EVI5L: variants seen among roughly 807,000 people sequenced by gnomAD.
EVI5L encodes ecotropic viral integration site 5 like.
A neutral mutation model predicts 106.1 loss-of-function variants in EVI5L; 30 were observed. That is an observed-to-expected ratio of 0.28 (90% CI 0.21 to 0.38). The LOEUF is 0.38. Among genes scored for constraint, EVI5L ranks in the 10% least tolerant of loss-of-function variants. The probability of loss-of-function intolerance (pLI) is 1.00; values close to 1 mark genes in which losing one functional copy is unlikely to be tolerated. For synonymous variants in EVI5L, 489 were observed against 483.3 expected, an observed-to-expected ratio of 1.01 and a Z score of -0.15; for missense variants, 809 against 1,098.0, an observed-to-expected ratio of 0.74 and a Z score of 3.72.
Position 7,833,859 on chromosome 19 carries a change from G to A in EVI5L, c.-48+3478G>A, listed in dbSNP as rs1036276861. On this transcript the variant is annotated intron_variant, in intron 1 of 19. Transcript: ENST00000538904. ...TGCAGCACACACATGCTAGCAGCCC[G>A]GGCAATAGAAGGAAGGAGGTGAGTT... 2.1e-4 allele frequency among the ~76,000 whole-genome samples: 32 copies of A among 152,304 alleles called. No homozygotes were observed. In the East Asian group the frequency reaches 3.9e-3, roughly 18 times the overall value.
chr19:7,847,671 C>T (rs893932597), intron 2 of EVI5L, 61 bp from the exon 3 acceptor site: 79 of 1,564,834 alleles, frequency 5.0e-5, no homozygotes, highest in South Asian at 8.1e-5. Flanking sequence ...GGGCTGGGCT[C>T]GCCAAGGATC....
Position 7,863,717 on chromosome 19 carries a change from C to A in EVI5L, c.*15C>A, listed in dbSNP as rs984226528. 10 of 1,444,756 alleles carry A rather than the reference C, an allele frequency of 6.9e-6. No homozygotes were observed. The highest frequency in any genetic ancestry group is 2.7e-5 in the Admixed American group (1 of 37,396). The allele number at this position is 1,444,756 out of a possible 1,614,324, so 89.5% of individuals were successfully genotyped here. On this transcript the variant is annotated 3_prime_UTR_variant, in exon 20 of 20. Transcript: ENST00000538904. The surrounding 1 kb of genome is among the most constrained non-coding windows in gnomAD (Gnocchi z 7.7). ...TGGACAACTGAGGCCATGCCCAGCG[C>A]GCCCGGAGTCAGGAGGCCGCAGCCG...
At chr19:7,844,369 C>T (rs553205) in intron 1 of EVI5L, among the ~76,000 whole-genome samples, 72,766 of 150,420 alleles carry the variant, frequency 0.48, 17,952 homozygotes, top group South Asian at 0.69. Context: ...GAAAAGAAAC[C>T]GAGGCTCGGG....
At position 7,851,776 on chromosome 19, in the gene EVI5L, C is replaced by G; in HGVS notation, c.987+6C>G. The G allele has an allele frequency of 6.7e-7, 1 of 1,494,094 alleles. No individual in the cohort carries two copies. Among genetic ancestry groups the G allele is most frequent in the Non-Finnish European group, 8.9e-7 (1 of 1,123,992 alleles). 92.6% of individuals were successfully genotyped at this position (1,494,094 alleles called of 1,614,324 possible). Reference sequence around the variant, plus strand: ...ACATGGAGGGGATGTCCCAGGTGGGCCGGGAGGGCCAGGGCCGGTGGGGCT... The same window carrying G: ...ACATGGAGGGGATGTCCCAGGTGGGGCGGGAGGGCCAGGGCCGGTGGGGCT... On this transcript the variant is annotated splice_donor_region_variant and intron_variant, in intron 8 of 19. Coordinates refer to ENST00000538904, the MANE Select transcript of EVI5L (RefSeq NM_001159944.3).
Position 7,850,060 on chromosome 19 carries a change from C to T in EVI5L, c.691C>T (p.Leu231Phe). ...RLMQEYRLRE[L>F]FKPSMAELGL... is the part of the protein sequence containing the mutation. ...GATGCAGGAGTACCGGCTGCGGGAG[C>T]TCTTCAAACCCAGCATGGCCGAGCT... Residue 231 changes from leucine (L) to phenylalanine (F), a missense_variant, in exon 6 of 20, where the codon CTC becomes TTC. Leu to Phe is a conservative substitution (Grantham distance 22). Transcript: ENST00000538904. The surrounding 1 kb of genome is among the most constrained non-coding windows in gnomAD (Gnocchi z 5.4). The T allele has an allele frequency of 6.2e-7, 1 of 1,605,006 alleles. No homozygotes were observed. Among genetic ancestry groups the T allele is most frequent in the Non-Finnish European group, 8.5e-7 (1 of 1,176,320 alleles).
In EVI5L at chr19:7,856,029, G is replaced by T; in HGVS notation, c.1161G>T (p.Glu387Asp). 3 of 1,328,952 alleles carry T rather than the reference G, an allele frequency of 2.3e-6. No individual in the cohort carries two copies. Among genetic ancestry groups the T allele is most frequent in the Non-Finnish European group, 2.9e-6 (3 of 1,029,784 alleles). The allele number at this position is 1,328,952 out of a possible 1,614,324, so 82.3% of individuals were successfully genotyped here. A position where few individuals can be genotyped will look rare whatever the true frequency, so the allele number is the denominator to read the frequency against. ...CACCCCCATAGAGACTTCGGACGGA[G>T]AACCGGCTCCTGAAACAGCGGATTG... ...EQIEIKRLRTENRLLKQRIET... is the reference protein window; with the variant it reads ...EQIEIKRLRTDNRLLKQRIET... The change falls in exon 11 of 20, where the codon GAG becomes GAT. Residue 387 changes from glutamate (E) to aspartate (D), a missense_variant. Coordinates refer to ENST00000538904, the MANE Select transcript of EVI5L (RefSeq NM_001159944.3). This position sits in a 1 kb window ranked among gnomAD's most constrained non-coding sequence, Gnocchi z 6.6.
At chr19:7,834,263 G>T (rs1216484510) in intron 1 of EVI5L, among the ~76,000 whole-genome samples, 1 of 152,180 alleles carries the variant, frequency 6.6e-6, no homozygotes, top group Non-Finnish European at 1.5e-5. Flanking sequence ...GGCAGAGCTT[G>T]CAGTGAGCCA....
rs1450922839 is a variant in EVI5L, at chr19:7,863,390, G to A, written c.2140-34G>A. 1 of 1,529,126 alleles carries A rather than the reference G, an allele frequency of 6.5e-7. No individual in the cohort carries two copies. Among genetic ancestry groups the A allele is most frequent in the Non-Finnish European group, 8.8e-7 (1 of 1,138,094 alleles). The allele number at this position is 1,529,126 out of a possible 1,614,324, so 94.7% of individuals were successfully genotyped here. A position where few individuals can be genotyped will look rare whatever the true frequency, so the allele number is the denominator to read the frequency against. On this transcript the variant is annotated intron_variant, in intron 19 of 19. Coordinates refer to ENST00000538904, the MANE Select transcript of EVI5L (RefSeq NM_001159944.3). This position sits in a 1 kb window ranked among gnomAD's most constrained non-coding sequence, Gnocchi z 7.7. ...GGCTGGGAGGGCGGGGCAGAAGGCC[G>A]GTCCACGCCTGCAGCGCCGGTCCCC...
Position 7,856,004 on chromosome 19 carries a change from C to G in EVI5L, c.1147-11C>G. On this transcript the variant is annotated splice_polypyrimidine_tract_variant and intron_variant, in intron 10 of 19. Transcript: ENST00000538904. The surrounding 1 kb of genome is among the most constrained non-coding windows in gnomAD (Gnocchi z 6.6). ...GGCGGGCTATGACGTGATCTCCCCC[C>G]ACCCCCATAGAGACTTCGGACGGAG... The G allele has an allele frequency of 7.5e-7, 1 of 1,327,430 alleles. No individual in the cohort carries two copies. The highest frequency in any genetic ancestry group is 9.7e-7 in the Non-Finnish European group (1 of 1,029,036). 82.2% of individuals were successfully genotyped at this position (1,327,430 alleles called of 1,614,324 possible).
At chr19:7,842,184 GGT>G (rs869156217) in intron 1 of EVI5L, among the ~76,000 whole-genome samples, 24 of 118,418 alleles carry the variant, frequency 2.0e-4, no homozygotes, top group Admixed American at 4.7e-4. Flanking sequence ...AATGTGCATG[GGT>G]GTGTGTGTTG....
chr19:7,851,883 G>A, intron 8 of EVI5L, 113 bp downstream of exon 8: 1 of 973,230 alleles, frequency 1.0e-6, no homozygotes, highest in Non-Finnish European at 1.4e-6. Context: ...AAGGTGGTGT[G>A]CCTGACATCC....
Position 7,845,336 on chromosome 19 carries a change from C to A in EVI5L, c.-47-1160C>A, listed in dbSNP as rs1225258028. ...CATGAAGGAACACCATCCCCAGCCG[C>A]TGCCTCCACTCCCATAGCCGTCCCT... On this transcript the variant is annotated intron_variant, in intron 1 of 19. Transcript: ENST00000538904. This position sits in a 1 kb window ranked among gnomAD's most constrained non-coding sequence, Gnocchi z 4.0. Among the ~76,000 whole-genome samples the A allele has an allele frequency of 3.9e-5, 6 of 152,142 alleles. No individual in the cohort carries two copies. The South Asian group carries it at 1.2e-3, about 31-fold the overall frequency.
In EVI5L at chr19:7,859,917, T is replaced by C. The variant is rs529115800; in HGVS notation, c.1375-644T>C. On this transcript the variant is annotated intron_variant, in intron 13 of 19. Coordinates refer to ENST00000538904, the MANE Select transcript of EVI5L (RefSeq NM_001159944.3). ...GGAAGAGGATGGTGGCTGGGAGGGC[T>C]GAGGCAGTCCCCCAGAGAACTGTCC... Among the ~76,000 whole-genome samples, 47 of 152,292 alleles carry C rather than the reference T, an allele frequency of 3.1e-4. 1 individual carries two copies. The South Asian group carries it at 9.5e-3, about 31-fold the overall frequency.
At chr19:7,843,229 G>T (rs917529146) in intron 1 of EVI5L, among the ~76,000 whole-genome samples, 7 of 147,176 alleles carry the variant, frequency 4.8e-5, no homozygotes, top group African/African-American at 1.8e-4. Flanking sequence ...GCATGGGTGT[G>T]TGTCGAGTGT....
At chr19:7,847,602 A>AC (rs1227433824) in intron 2 of EVI5L, 130 bp from the exon 3 acceptor site, 11 of 928,534 alleles carry the variant, frequency 1.2e-5, no homozygotes, top group Admixed American at 2.7e-5. Flanking sequence ...GAAGAAAAAA[A>AC]AAAGAACAAG....
chr19:7,833,471 A>G (rs1978303716), intron 1 of EVI5L, among the ~76,000 whole-genome samples: 2 of 152,228 alleles, frequency 1.3e-5, no homozygotes, highest in Non-Finnish European at 2.9e-5. Context: ...TGCGGGGAGC[A>G]TGAGACAGAA....
chr19:7,863,477 G>C lies in EVI5L; in HGVS notation c.2193G>C (p.Gly731=). The C allele has an allele frequency of 6.4e-7, 1 of 1,571,778 alleles. No homozygotes were observed. Among genetic ancestry groups the C allele is most frequent in the Non-Finnish European group, 8.6e-7 (1 of 1,159,992 alleles). ...PPFEDPLAFD[G]LSLARHLDED... ...TCGAGGACCCGCTGGCTTTCGATGGGCTGAGCCTGGCGCGGCACTTGGACG... is the reference window on the plus strand; with the variant it reads ...TCGAGGACCCGCTGGCTTTCGATGGCCTGAGCCTGGCGCGGCACTTGGACG... The change falls in exon 20 of 20, where the codon GGG becomes GGC. Residue 731 remains glycine, a synonymous_variant. Coordinates refer to ENST00000538904, the MANE Select transcript of EVI5L (RefSeq NM_001159944.3). This position sits in a 1 kb window ranked among gnomAD's most constrained non-coding sequence, Gnocchi z 7.7.
At chr19:7,852,235 C>T (rs186763784) in intron 8 of EVI5L, among the ~76,000 whole-genome samples, 220 of 152,374 alleles carry the variant, frequency 1.4e-3, no homozygotes, top group Admixed American at 2.7e-3. Flanking sequence ...AGCCTGCCTC[C>T]CACCGCTACT....
chr19:7,854,283 A>G (rs1047311530), intron 10 of EVI5L, among the ~76,000 whole-genome samples: 5 of 135,752 alleles, frequency 3.7e-5, no homozygotes, highest in African/African-American at 1.3e-4. Flanking sequence ...CTGTGTCTCA[A>G]AAAAAAAAAA....
Sources: allele counts gnomAD v4.1 joint callset (sites outside exome capture counted in the v4.1 genomes callset), GRCh38; gene constraint gnomAD v4.1.1; non-coding constraint Gnocchi (gnomAD v3.1); transcripts MANE v1.5; gene names NCBI Gene and HGNC (gene_info 2026-07-23, HGNC 2026-07-21).